The following CNNM2 variants were observed in gnomAD, a reference collection of about 807,000 sequenced individuals.
CNNM2 encodes the protein metal transporter CNNM2.
In CNNM2, 12 loss-of-function variants were observed where a neutral mutation model predicts 66.9. That is an observed-to-expected ratio of 0.18 (90% CI 0.11 to 0.29). The LOEUF (loss-of-function observed/expected upper bound fraction) is 0.29, where lower values mean the gene tolerates loss of function less well. Among genes scored for constraint, CNNM2 ranks in the 10% least tolerant of loss-of-function variants. CNNM2 has a pLI of 1.00. For synonymous variants in CNNM2, 557 were observed against 501.8 expected (o/e 1.11, Z -1.47); for missense variants, 705 against 1,167.7 (o/e 0.60, Z 5.77).
intron 1 of CNNM2, among the ~76,000 whole-genome samples, chr10:102,939,624 C>A (rs1199144879): frequency 6.6e-6 from 1 of 152,076 alleles, no homozygotes; most frequent in Non-Finnish European, 1.5e-5. Flanking sequence ...GTTCTTTTTC[C>A]ATCTTGAGAA....
intron 1 of CNNM2, among the ~76,000 whole-genome samples, chr10:102,967,289 A>G (rs1246609790): frequency 6.6e-6 from 1 of 152,062 alleles, no homozygotes; most frequent in Non-Finnish European, 1.5e-5. Context: ...TTGAGGTATA[A>G]TTTACATACC....
chr10:103,026,818 G>T (rs2134294670), intron 1 of CNNM2, among the ~76,000 whole-genome samples: 2 of 152,246 alleles, frequency 1.3e-5, no homozygotes, highest in Middle Eastern at 6.8e-3. Flanking sequence ...GTTAAGAGAA[G>T]AGTCTAACAT....
At chr10:102,920,205 G>C in intron 1 of CNNM2, 104 bp downstream of exon 1, 3 of 1,606,838 alleles carry the variant, frequency 1.9e-6, no homozygotes, top group Non-Finnish European at 2.5e-6. Context: ...CGAGTTGACC[G>C]GGATTTCTCC....
rs1344187560 is a variant in CNNM2 at position 103,028,998 on chromosome 10, T to C, written c.1622-20709T>C. On this transcript the variant is annotated intron_variant, in intron 1 of 7. Coordinates refer to ENST00000369878, the MANE Select transcript of CNNM2 (RefSeq NM_017649.5). ...CCACCATGCCCACTAACTTTTGTAT[T>C]TTTAGTAAAGACGAGGTTCCACCAT... Among the ~76,000 whole-genome samples, 3 of 151,804 alleles carry C rather than the reference T, an allele frequency of 2.0e-5. No homozygotes were observed. The East Asian group carries it at 5.9e-4, about 30-fold the overall frequency.
At chr10:103,047,843 T>C (rs2065151333) in intron 1 of CNNM2, among the ~76,000 whole-genome samples, 1 of 152,220 alleles carries the variant, frequency 6.6e-6, no homozygotes, top group Non-Finnish European at 1.5e-5. Context: ...TCACCAGCAA[T>C]CTCATCAGAA....
chr10:103,009,629 C>A (rs936210641), intron 1 of CNNM2, among the ~76,000 whole-genome samples: 6 of 137,610 alleles, frequency 4.4e-5, no homozygotes, highest in Admixed American at 3.4e-4. Context: ...AGGTGGGAGG[C>A]TGCAGTGAGC....
At chr10:103,022,856 T>A (rs1817368195) in intron 1 of CNNM2, among the ~76,000 whole-genome samples, 1 of 152,048 alleles carries the variant, frequency 6.6e-6, no homozygotes, top group South Asian at 2.1e-4. Context: ...GGAGCAGATG[T>A]ATCACATGGC....
rs2064530466 is a variant in CNNM2 at position 103,019,600 on chromosome 10, G to A, written c.1622-30107G>A. ...TATCTGGGAGAGGAAAGCCTGTGAT[G>A]ATGGAGGCGTCTCACCATGTAGCAT... On this transcript the variant is annotated intron_variant, in intron 1 of 7. Transcript: ENST00000369878. Among the ~76,000 whole-genome samples the A allele has an allele frequency of 2.6e-5, 4 of 152,294 alleles. No individual in the cohort carries two copies. In the South Asian group the frequency reaches 8.3e-4, roughly 32 times the overall value.
intron 1 of CNNM2, among the ~76,000 whole-genome samples, chr10:102,995,894 T>C (rs940849308): frequency 6.6e-6 from 1 of 152,108 alleles, no homozygotes; most frequent in African/African-American, 2.4e-5. Context: ...GAGATGGGGT[T>C]TCTCCATGTT....
chr10:103,077,086 G>C lies in CNNM2; in HGVS notation c.2534G>C (p.Gly845Ala). Residue 845 changes from glycine to alanine, a missense_variant, in exon 8 of 8, where the codon GGG becomes GCG. Coordinates refer to ENST00000369878, the MANE Select transcript of CNNM2 (RefSeq NM_017649.5). ...IELTLTELHD[G>A]LPDETANLLN... is the part of the protein sequence containing the mutation. ...TTGACTCTTACGGAGCTGCATGACGGGTTGCCAGACGAGACAGCCAACCTG... is the reference window on the plus strand; with the variant it reads ...TTGACTCTTACGGAGCTGCATGACGCGTTGCCAGACGAGACAGCCAACCTG... 1 of 1,613,906 alleles carries C rather than the reference G, an allele frequency of 6.2e-7. No individual in the cohort carries two copies. Among genetic ancestry groups the C allele is most frequent in the South Asian group, 1.1e-5 (1 of 91,080 alleles).
intron 1 of CNNM2, among the ~76,000 whole-genome samples, chr10:103,031,698 A>G (rs995182065): frequency 4.6e-5 from 7 of 152,206 alleles, no homozygotes; most frequent in African/African-American, 1.7e-4. Flanking sequence ...GTTCAGGACA[A>G]GGAAAGTGAA....
At position 103,054,536 on chromosome 10, in the gene CNNM2, G is replaced by A. The variant is rs938253255; in HGVS notation, c.1903+70G>A. On this transcript the variant is annotated intron_variant, in intron 3 of 7. Coordinates refer to ENST00000369878, the MANE Select transcript of CNNM2 (RefSeq NM_017649.5). This position sits in a 1 kb window ranked among gnomAD's most constrained non-coding sequence, Gnocchi z 5.2. ...GCGTGTTTCTCACCCACCACTGACT[G>A]GGGTGGGTTGGGGGTGGACACTGGG... 5.8e-6 allele frequency: 9 copies of A among 1,540,044 alleles called. No homozygotes were observed. Among genetic ancestry groups the A allele is most frequent in the Non-Finnish European group, 8.0e-6 (9 of 1,129,208 alleles).
chr10:103,059,900 G>C (rs1400474723), intron 4 of CNNM2, among the ~76,000 whole-genome samples: 1 of 152,196 alleles, frequency 6.6e-6, no homozygotes, highest in Non-Finnish European at 1.5e-5. Context: ...CCAGAACTTT[G>C]GGAGGTCAAG....
chr10:102,999,656 C>G (rs542086572), intron 1 of CNNM2, among the ~76,000 whole-genome samples: 8 of 152,206 alleles, frequency 5.3e-5, no homozygotes, highest in East Asian at 3.9e-4. Context: ...CCTTCCCCCC[C>G]CACCTCTCCG....
At chr10:102,957,875 T>TA (rs1847104728) in intron 1 of CNNM2, among the ~76,000 whole-genome samples, 1 of 152,234 alleles carries the variant, frequency 6.6e-6, no homozygotes. Flanking sequence ...AATATAGTAC[T>TA]AAAGGGCAGT....
In CNNM2 at chr10:103,090,083, C is replaced by T. The variant is rs2066328575; in HGVS notation, c.*12903C>T. On this transcript the variant is annotated 3_prime_UTR_variant, in exon 8 of 8. Coordinates refer to ENST00000369878, the MANE Select transcript of CNNM2 (RefSeq NM_017649.5). Reference sequence around the variant, plus strand: ...TACTTATAGTTGCCTGTCTTCCTCTCTCCCTGCCCCTCAAAATGGTGCCCA... The same window carrying T: ...TACTTATAGTTGCCTGTCTTCCTCTTTCCCTGCCCCTCAAAATGGTGCCCA... The T allele has an allele frequency of 1.0e-5, 5 of 491,056 alleles. No individual in the cohort carries two copies. Among genetic ancestry groups the T allele is most frequent in the Non-Finnish European group, 1.8e-5 (5 of 284,338 alleles). 30.4% of individuals were successfully genotyped at this position (491,056 alleles called of 1,614,324 possible). A position where few individuals can be genotyped will look rare whatever the true frequency, so the allele number is the denominator to read the frequency against.
intron 1 of CNNM2, among the ~76,000 whole-genome samples, chr10:102,989,114 C>T (rs944517071): frequency 2.4e-4 from 37 of 152,140 alleles, no homozygotes; most frequent in Non-Finnish European, 5.3e-4. Context: ...ATATTTAGTT[C>T]TGTGCAAACA....
chr10:103,052,840 G>A (rs1370510943), intron 2 of CNNM2, among the ~76,000 whole-genome samples: 3 of 152,208 alleles, frequency 2.0e-5, no homozygotes, highest in African/African-American at 7.2e-5. Flanking sequence ...TCTGGATAGA[G>A]ATTGGGAGTG....
intron 1 of CNNM2, among the ~76,000 whole-genome samples, chr10:102,980,101 G>A (rs1251487302): frequency 6.6e-6 from 1 of 151,882 alleles, no homozygotes; most frequent in South Asian, 2.1e-4. Context: ...TTTTAGTAGA[G>A]ACAAGTGTTT....
Sources: gnomAD v4.1 joint callset for allele counts (sites outside exome capture counted in the v4.1 genomes callset) on GRCh38, gnomAD v4.1.1 for gene constraint, Gnocchi (gnomAD v3.1) non-coding constraint, MANE v1.5 for transcripts, NCBI Gene and HGNC (gene_info 2026-07-23, HGNC 2026-07-21) for gene names.